TMX3: variants seen among roughly 807,000 people sequenced by gnomAD.
TMX3 encodes thioredoxin related transmembrane protein 3, also known as protein disulfide-isomerase TMX3.
TMX3 carries 40 observed loss-of-function variants against 64.4 expected under a neutral mutation model. The ratio of observed to expected loss-of-function variants is 0.62; its 90% CI spans 0.48 to 0.81. The LOEUF (loss-of-function observed/expected upper bound fraction) is 0.81, where lower values mean the gene tolerates loss of function less well. Among genes scored for constraint, TMX3 ranks in the 30% least tolerant of loss-of-function variants. TMX3 has a pLI of 0.00. For missense variants in TMX3, 497 were observed against 534.5 expected (o/e 0.93, Z 0.69); for synonymous variants, 189 against 175.7 (o/e 1.08, Z -0.60).
chr18:68,698,860 CA>C (rs879509424), intron 6 of TMX3, among the ~76,000 whole-genome samples: 8,827 of 122,582 alleles, frequency 0.072, 553 homozygotes, highest in African/African-American at 0.17. Context: ...ACTAAAAATA[CA>C]AAAAAAAAAA....
rs1308592537 is a variant in TMX3 at position 68,714,987 on chromosome 18, C to G, written c.-6G>C. 3.2e-6 allele frequency: 5 copies of G among 1,569,658 alleles called. No individual in the cohort carries two copies. The highest frequency in any genetic ancestry group is 1.2e-5 in the South Asian group (1 of 85,244). ...CAACTCTTCCACGCTGCCATGCTAG[C>G]CCGGGAGAGCTGCAGAAGCTGACTG... On this transcript the variant is annotated 5_prime_UTR_variant, in exon 1 of 16. Coordinates refer to ENST00000299608, the MANE Select transcript of TMX3 (RefSeq NM_019022.5).
chr18:68,687,622 G>T lies in TMX3; in HGVS notation c.736+45C>A. ...AAAATAAGATTTTTAAATAATCAAA[G>T]AAAAATCATGTAACATAATGGAGAC... is the stretch of plus-strand genomic sequence containing the variant. On this transcript the variant is annotated intron_variant, in intron 10 of 15. Coordinates refer to ENST00000299608, the MANE Select transcript of TMX3 (RefSeq NM_019022.5). 2.6e-6 allele frequency: 4 copies of T among 1,550,966 alleles called. No homozygotes were observed. The South Asian group carries it at 5.0e-5, about 19-fold the overall frequency.
intron 4 of TMX3, among the ~76,000 whole-genome samples, chr18:68,709,207 A>C (rs2031017678): frequency 6.6e-6 from 1 of 152,150 alleles, no homozygotes; most frequent in Non-Finnish European, 1.5e-5. Context: ...TACACAGCAA[A>C]AGTAGCAGGC....
Position 68,697,273 on chromosome 18 carries a change from TC to T in TMX3, c.522del (p.Ile175LeufsTer18). 6.3e-7 allele frequency: 1 copy of T among 1,580,806 alleles called. No individual in the cohort carries two copies. The highest frequency in any genetic ancestry group is 8.6e-7 in the Non-Finnish European group (1 of 1,162,210). ...KEKYIDAASE[L>X]IVYTYFFSAS... ...GCAGAAAAGAAGTATGTATATACAA[TC>T]AATTCTGAAGCAGCATCTATGTATT... On this transcript the variant is annotated frameshift_variant, in exon 8 of 16. Coordinates refer to ENST00000299608, the MANE Select transcript of TMX3 (RefSeq NM_019022.5). LOFTEE classifies it high-confidence loss of function.
intron 6 of TMX3, among the ~76,000 whole-genome samples, chr18:68,699,957 C>T (rs1261443679): frequency 2.0e-5 from 3 of 152,092 alleles, no homozygotes; most frequent in Non-Finnish European, 4.4e-5. Context: ...AATATTTTAG[C>T]TGTATCTAAA....
chr18:68,704,544 T>C (rs2030470673), intron 4 of TMX3, among the ~76,000 whole-genome samples: 1 of 152,150 alleles, frequency 6.6e-6, no homozygotes, highest in Non-Finnish European at 1.5e-5. Flanking sequence ...TTCGGTAACT[T>C]GTTTGAGAGC....
At chr18:68,695,375 C>A (rs1914959510) in intron 8 of TMX3, among the ~76,000 whole-genome samples, 2 of 152,160 alleles carry the variant, frequency 1.3e-5, no homozygotes, top group East Asian at 3.9e-4. Context: ...AAATTGCTTC[C>A]CATGTCTGGG....
intron 15 of TMX3, 152 bp from the exon 16 acceptor site, chr18:68,677,345 G>A: frequency 1.3e-6 from 1 of 786,502 alleles, no homozygotes; most frequent in Admixed American, 3.0e-5. Context: ...TAACTACCAT[G>A]TGAAAGACAC....
At chr18:68,714,031 G>A (rs902602722) in intron 1 of TMX3, 131 bp from the exon 2 acceptor site, 1 of 462,202 alleles carries the variant, frequency 2.2e-6, no homozygotes, top group Non-Finnish European at 3.9e-6. Flanking sequence ...TGCATCCCAG[G>A]GTGCAAATGA....
intron 4 of TMX3, among the ~76,000 whole-genome samples, chr18:68,707,596 A>G (rs1457061644): frequency 5.9e-5 from 9 of 152,176 alleles, no homozygotes; most frequent in African/African-American, 2.2e-4. Context: ...GTTTATATGC[A>G]CTATTTTTCT....
intron 14 of TMX3, 49 bp from the exon 15 acceptor site, chr18:68,679,580 T>C: frequency 6.6e-7 from 1 of 1,522,892 alleles, no homozygotes; most frequent in Non-Finnish European, 9.0e-7. Flanking sequence ...CATTACTTCA[T>C]TTACTTGGTG....
At chr18:68,708,580 A>G (rs2030955452) in intron 4 of TMX3, among the ~76,000 whole-genome samples, 1 of 152,170 alleles carries the variant, frequency 6.6e-6, no homozygotes. Context: ...GCAGGCTCCC[A>G]GCATCCAACA....
At chr18:68,693,604 C>A (rs1344980962) in intron 8 of TMX3, among the ~76,000 whole-genome samples, 1 of 152,178 alleles carries the variant, frequency 6.6e-6, no homozygotes, top group Non-Finnish European at 1.5e-5. Context: ...CAGCTCCCAA[C>A]AGTGCCTGGG....
At chr18:68,704,440 C>T (rs1289547728) in intron 4 of TMX3, among the ~76,000 whole-genome samples, 2 of 151,846 alleles carry the variant, frequency 1.3e-5, no homozygotes, top group African/African-American at 4.8e-5. Flanking sequence ...GATAAAGAAA[C>T]TAAATCAGGA....
Position 68,711,361 on chromosome 18 carries a change from T to TA in TMX3, c.141+2dup. The TA allele has an allele frequency of 1.3e-6, 2 of 1,582,774 alleles. No homozygotes were observed. Among genetic ancestry groups the TA allele is most frequent in the Non-Finnish European group, 1.7e-6 (2 of 1,160,574 alleles). ...AATTAGCATATAAAATTTACATACT[T>TA]ACATCTACAAGCCAAATGTCATCAT... is the stretch of plus-strand genomic sequence containing the variant. On this transcript the variant is annotated splice_region_variant and intron_variant, in intron 3 of 15. Coordinates refer to ENST00000299608, the MANE Select transcript of TMX3 (RefSeq NM_019022.5).
intron 11 of TMX3, 77 bp downstream of exon 11, chr18:68,684,351 T>A (rs1055460948): frequency 1.3e-6 from 2 of 1,507,446 alleles, no homozygotes; most frequent in Admixed American, 3.5e-5. Context: ...AAAAGTAAGA[T>A]ACCATATCAA....
At chr18:68,709,011 C>G (rs192431080) in intron 4 of TMX3, among the ~76,000 whole-genome samples, 3 of 152,142 alleles carry the variant, frequency 2.0e-5, no homozygotes, top group African/African-American at 7.2e-5. Flanking sequence ...TTTCCTAAAA[C>G]GAAATATACA....
chr18:68,709,968 A>G (rs1220324798), intron 4 of TMX3, 53 bp downstream of exon 4: 2 of 1,508,578 alleles, frequency 1.3e-6, no homozygotes, highest in African/African-American at 1.4e-5. Flanking sequence ...ACTGTTGCAT[A>G]TAAATGTTTT....
chr18:68,711,738 C>T (rs573408330), intron 2 of TMX3, among the ~76,000 whole-genome samples: 15 of 152,312 alleles, frequency 9.8e-5, no homozygotes, highest in African/African-American at 3.6e-4. Context: ...CCTGAGGCTG[C>T]TATGCTTAGA....
Sources: gnomAD v4.1 joint callset for allele counts (sites outside exome capture counted in the v4.1 genomes callset) on GRCh38, gnomAD v4.1.1 for gene constraint, MANE v1.5 for transcripts, NCBI Gene and HGNC (gene_info 2026-07-23, HGNC 2026-07-21) for gene names.